SSBP2: variants seen among roughly 807,000 people sequenced by gnomAD.
SSBP2 encodes the protein single stranded DNA binding protein 2.
In SSBP2, 17 loss-of-function variants were observed where a neutral mutation model predicts 61.8. That is an observed-to-expected ratio of 0.28 (90% confidence interval 0.19 to 0.41). SSBP2 has a LOEUF of 0.41. Ranked by LOEUF, SSBP2 falls within the 10% of genes least tolerant of loss-of-function variation. The pLI is 1.00. For missense variants in SSBP2, 310 were observed against 458.7 expected, an observed-to-expected ratio of 0.68 and a Z score of 2.96; for synonymous variants, 139 against 141.3, an observed-to-expected ratio of 0.98 and a Z score of 0.12.
intron 4 of SSBP2, among the ~76,000 whole-genome samples, chr5:81,606,131 C>G (rs1205348651): frequency 6.6e-6 from 1 of 152,100 alleles, no homozygotes; most frequent in Non-Finnish European, 1.5e-5. Flanking sequence ...CTGAAGGAAA[C>G]TAGTATTAAA....
rs1751508242 is a variant in SSBP2, at chr5:81,670,487, TTCC to T, written c.63-20151_63-20149del. The stretch of plus-strand genomic sequence containing the variant: ...CTGTAAATTATCTACATGTAACATT[TTCC>T]TCAAGTACAGATGAACAAGTTTACT... On this transcript the variant is annotated intron_variant, in intron 1 of 16. Coordinates refer to ENST00000320672, the MANE Select transcript of SSBP2 (RefSeq NM_012446.5). Among the ~76,000 whole-genome samples the T allele has an allele frequency of 2.0e-5, 3 of 152,110 alleles. No individual in the cohort carries two copies. The South Asian group carries it at 6.2e-4, about 32-fold the overall frequency.
intron 2 of SSBP2, among the ~76,000 whole-genome samples, chr5:81,637,817 G>T (rs753547860): frequency 1.3e-5 from 2 of 152,062 alleles, no homozygotes; most frequent in African/African-American, 4.8e-5. Flanking sequence ...TGTTTATTAC[G>T]GCGATATTCA....
At chr5:81,715,814 A>G (rs1332929664) in intron 1 of SSBP2, among the ~76,000 whole-genome samples, 1 of 152,170 alleles carries the variant, frequency 6.6e-6, no homozygotes, top group East Asian at 1.9e-4. Context: ...CCCAACTCTT[A>G]GGAAGGCCGA....
intron 1 of SSBP2, among the ~76,000 whole-genome samples, chr5:81,704,991 T>C (rs1158198499): frequency 6.6e-6 from 1 of 152,076 alleles, no homozygotes. Flanking sequence ...GACCTTTTTG[T>C]GCAGAAGGTT....
intron 4 of SSBP2, among the ~76,000 whole-genome samples, chr5:81,518,295 T>A (rs1769190450): frequency 6.6e-6 from 1 of 152,158 alleles, no homozygotes; most frequent in South Asian, 2.1e-4. Context: ...TGTACTCTTT[T>A]TAAGATGCTA....
intron 16 of SSBP2, among the ~76,000 whole-genome samples, chr5:81,424,203 A>T (rs1761800089): frequency 6.6e-6 from 1 of 152,128 alleles, no homozygotes; most frequent in South Asian, 2.1e-4. Flanking sequence ...AGGTGGGTGG[A>T]TCCTGAGGTC....
At chr5:81,658,322 G>A (rs142820299) in intron 1 of SSBP2, among the ~76,000 whole-genome samples, 1 of 152,182 alleles carries the variant, frequency 6.6e-6, no homozygotes, top group African/African-American at 2.4e-5. Context: ...GTTCCGTGTG[G>A]TTGGATTCAA....
intron 2 of SSBP2, among the ~76,000 whole-genome samples, chr5:81,648,446 C>A (rs1749456717): frequency 2.6e-5 from 4 of 152,052 alleles, no homozygotes. Context: ...CCTACCAGTT[C>A]ACATATACTA....
At chr5:81,422,063 GAGGACCAGGGTA>G (rs1580634197) in intron 16 of SSBP2, among the ~76,000 whole-genome samples, 1 of 152,116 alleles carries the variant, frequency 6.6e-6, no homozygotes, top group African/African-American at 2.4e-5. Context: ...GGAAACCTAT[GAGGACCAGGGTA>G]AAAGGCAATT....
chr5:81,506,849 C>CT (rs1561481860), intron 5 of SSBP2, among the ~76,000 whole-genome samples: 1 of 151,966 alleles, frequency 6.6e-6, no homozygotes, highest in South Asian at 2.1e-4. Flanking sequence ...TATTGGTTTT[C>CT]TTTTTTAGTT....
intron 1 of SSBP2, among the ~76,000 whole-genome samples, chr5:81,652,201 G>C (rs571769870): frequency 2.2e-4 from 33 of 152,212 alleles, no homozygotes; most frequent in African/African-American, 7.2e-4. Flanking sequence ...TCAAGGCCAG[G>C]GTACATCTGT....
intron 1 of SSBP2, among the ~76,000 whole-genome samples, chr5:81,687,406 A>G (rs1458863875): frequency 6.6e-6 from 1 of 152,210 alleles, no homozygotes; most frequent in African/African-American, 2.4e-5. Context: ...TAAACATGAA[A>G]TACAATCTAG....
chr5:81,579,153 G>A (rs1004749172), intron 4 of SSBP2, among the ~76,000 whole-genome samples: 1 of 151,982 alleles, frequency 6.6e-6, no homozygotes, highest in South Asian at 2.1e-4. Flanking sequence ...AAACATCAAA[G>A]TTTCAAGTCA....
chr5:81,587,837 G>T (rs1239572756), intron 4 of SSBP2, among the ~76,000 whole-genome samples: 1 of 152,022 alleles, frequency 6.6e-6, no homozygotes, highest in African/African-American at 2.4e-5. Context: ...GGGTATAGAA[G>T]AAAGGAAAGA....
intron 1 of SSBP2, among the ~76,000 whole-genome samples, chr5:81,706,063 A>T (rs1213061799): frequency 3.9e-5 from 6 of 152,224 alleles, no homozygotes; most frequent in Admixed American, 1.3e-4. Flanking sequence ...ATCACAGCAT[A>T]TTCACAGTAG....
At chr5:81,738,144 C>A (rs989946638) in intron 1 of SSBP2, among the ~76,000 whole-genome samples, 55 of 152,270 alleles carry the variant, frequency 3.6e-4, no homozygotes, top group African/African-American at 1.3e-3. Flanking sequence ...CTGATCTATG[C>A]TGTTAAAAAT....
At chr5:81,636,821 T>C (rs1581222170) in intron 2 of SSBP2, among the ~76,000 whole-genome samples, 1 of 152,366 alleles carries the variant, frequency 6.6e-6, no homozygotes, top group Admixed American at 6.5e-5. Context: ...GTCACCACTA[T>C]TTTCCTGAAT....
intron 6 of SSBP2, among the ~76,000 whole-genome samples, chr5:81,488,547 C>A (rs1766605171): frequency 6.6e-6 from 1 of 152,002 alleles, no homozygotes; most frequent in Admixed American, 6.6e-5. Flanking sequence ...CAATTCAGGT[C>A]CTTTGCTATT....
intron 1 of SSBP2, among the ~76,000 whole-genome samples, chr5:81,729,553 A>C (rs1756116375): frequency 6.6e-6 from 1 of 152,164 alleles, no homozygotes; most frequent in Non-Finnish European, 1.5e-5. Flanking sequence ...ACATGAACCA[A>C]TGATAATACC....
Sources: allele counts gnomAD v4.1 joint callset (sites outside exome capture counted in the v4.1 genomes callset), GRCh38; gene constraint gnomAD v4.1.1; transcripts MANE v1.5; gene names NCBI Gene and HGNC (gene_info 2026-07-23, HGNC 2026-07-21).